CCDC137: variants seen among roughly 807,000 people sequenced by gnomAD.
CCDC137 encodes coiled-coil domain-containing protein 137.
A neutral mutation model predicts 30.4 loss-of-function variants in CCDC137; 24 were observed. The ratio of observed to expected loss-of-function variants is 0.79; its 90% CI spans 0.57 to 1.11. The LOEUF is 1.11. Among genes scored for constraint, CCDC137 ranks in the 50% least tolerant of loss-of-function variants. The pLI, the probability that CCDC137 is intolerant of heterozygous loss-of-function variation, is 0.00. For synonymous variants in CCDC137, 182 were observed against 155.7 expected (o/e 1.17, Z -1.26); for missense variants, 417 against 380.4 (o/e 1.10, Z -0.80).
rs1160954535 is a variant in CCDC137, at chr17:81,672,125, C to T, written c.630C>T (p.Ala210=). The part of the protein sequence containing the change: ...EVVLQPPELT[A]RPQRSVSKDQ... ...TCCTGCAGCCCCCAGAGCTGACTGC[C>T]AGGCCCCAGAGGAGCGTAAGCAAGG... Residue 210 remains alanine, a synonymous_variant, in exon 5 of 6, where the codon GCC becomes GCT. Transcript: ENST00000329214. The T allele has an allele frequency of 1.9e-6, 3 of 1,614,126 alleles. No homozygotes were observed. The highest frequency in any genetic ancestry group is 1.7e-6 in the Non-Finnish European group (2 of 1,180,014).
chr17:81,668,063 T>TG (rs1218312185), intron 2 of CCDC137, among the ~76,000 whole-genome samples: 1 of 151,860 alleles, frequency 6.6e-6, no homozygotes, highest in Non-Finnish European at 1.5e-5. Flanking sequence ...AAGGAGGCTG[T>TG]GGGGTGGGCG....
In CCDC137 at chr17:81,672,873, G is replaced by A. The variant is rs1296942447; in HGVS notation, c.*169G>A. ...CACATCTTGCAGGGGGTGAGTGCCCGATGGACTAGGGCCAAGGCCTGGTTG... is the reference window on the plus strand; with the variant it reads ...CACATCTTGCAGGGGGTGAGTGCCCAATGGACTAGGGCCAAGGCCTGGTTG... On this transcript the variant is annotated 3_prime_UTR_variant, in exon 6 of 6. Coordinates refer to ENST00000329214, the MANE Select transcript of CCDC137 (RefSeq NM_199287.3). 3.0e-5 allele frequency: 20 copies of A among 657,932 alleles called. No homozygotes were observed. The highest frequency in any genetic ancestry group is 5.5e-5 in the East Asian group (2 of 36,170). The allele number at this position is 657,932 out of a possible 1,614,324, so 40.8% of individuals were successfully genotyped here.
Position 81,672,428 on chromosome 17 carries a change from C to A in CCDC137, c.661-67C>A. The stretch of plus-strand genomic sequence containing the variant: ...CTCGCTGGCGGGAGAGCTGTTGAAG[C>A]TGTGAGGCTTTCTGTTGCATCCCCT... On this transcript the variant is annotated intron_variant, in intron 5 of 5. Transcript: ENST00000329214. 7 of 1,437,400 alleles carry A rather than the reference C, an allele frequency of 4.9e-6. No individual in the cohort carries two copies. The South Asian group carries it at 6.3e-5, about 13-fold the overall frequency. 89.0% of individuals were successfully genotyped at this position (1,437,400 alleles called of 1,614,324 possible).
chr17:81,672,340 GAAAA>G (rs35384619), intron 5 of CCDC137, among the ~76,000 whole-genome samples, 151 bp from the exon 6 acceptor site: 1 of 147,326 alleles, frequency 6.8e-6, no homozygotes, highest in Non-Finnish European at 1.5e-5. Flanking sequence ...CCTGTGTCAA[GAAAA>G]AAAAAAACCC....
chr17:81,668,579 A>G (rs1241158346), intron 2 of CCDC137, among the ~76,000 whole-genome samples: 1 of 152,196 alleles, frequency 6.6e-6, no homozygotes, highest in Non-Finnish European at 1.5e-5. Flanking sequence ...TGGGGGTTAT[A>G]TGGCTGCCAA....
chr17:81,670,990 G>C (rs962665493), intron 3 of CCDC137, among the ~76,000 whole-genome samples: 2 of 152,038 alleles, frequency 1.3e-5, no homozygotes, highest in African/African-American at 4.8e-5. Context: ...AAATTAGCCG[G>C]GCGTGGTGGT....
chr17:81,667,237 C>G (rs993209567), intron 1 of CCDC137, among the ~76,000 whole-genome samples: 1 of 152,014 alleles, frequency 6.6e-6, no homozygotes, highest in African/African-American at 2.4e-5. Context: ...TGAGTGAGAC[C>G]GAGAGGAAAG....
chr17:81,673,060 G>A lies in CCDC137; in HGVS notation c.*356G>A, dbSNP rs1216010806. ...TGAGGCTGGCTCAGTGTGTGACGGA[G>A]GCCCCCGGGAGTCAGCAGAGCCGAG... On this transcript the variant is annotated 3_prime_UTR_variant, in exon 6 of 6. Coordinates refer to ENST00000329214, the MANE Select transcript of CCDC137 (RefSeq NM_199287.3). 3.1e-6 allele frequency: 1 copy of A among 327,194 alleles called. No homozygotes were observed. 20.3% of individuals were successfully genotyped at this position (327,194 alleles called of 1,614,324 possible).
chr17:81,667,046 C>T (rs2036642404), intron 1 of CCDC137, 146 bp downstream of exon 1: 2 of 854,656 alleles, frequency 2.3e-6, no homozygotes, highest in Non-Finnish European at 3.1e-6. Flanking sequence ...GCCCGCGGCC[C>T]ACGCTCCGCC....
chr17:81,673,276 G>A lies in CCDC137; in HGVS notation c.*572G>A, dbSNP rs3923219. On this transcript the variant is annotated 3_prime_UTR_variant, in exon 6 of 6. Transcript: ENST00000329214. ...AAGGTGGGAACCGGGGGCCGGGCGC[G>A]GTGGCTCACACCTGTAATGCCAGCA... The A allele has an allele frequency of 0.038, 5,896 of 153,266 alleles. 200 individuals are homozygous for A. The highest frequency in any genetic ancestry group is 0.086 in the African/African-American group (3,580 of 41,516). 9.5% of individuals were successfully genotyped at this position (153,266 alleles called of 1,614,324 possible).
Position 81,673,034 on chromosome 17 carries a change from A to T in CCDC137, c.*330A>T. 1 of 389,396 alleles carries T rather than the reference A, an allele frequency of 2.6e-6. No individual in the cohort carries two copies. The allele number at this position is 389,396 out of a possible 1,614,324, so 24.1% of individuals were successfully genotyped here. A position where few individuals can be genotyped will look rare whatever the true frequency, so the allele number is the denominator to read the frequency against. ...TGAACACCAAATACCGAGACAGCTG[A>T]TGAGGCTGGCTCAGTGTGTGACGGA... On this transcript the variant is annotated 3_prime_UTR_variant, in exon 6 of 6. Coordinates refer to ENST00000329214, the MANE Select transcript of CCDC137 (RefSeq NM_199287.3).
At chr17:81,670,881 CACT>C (rs1299892043) in intron 3 of CCDC137, among the ~76,000 whole-genome samples, 10 of 152,238 alleles carry the variant, frequency 6.6e-5, no homozygotes, top group Middle Eastern at 3.4e-3. Context: ...GTAATCCCAG[CACT>C]TTGGGAGGCT....
chr17:81,667,027 T>G lies in CCDC137; in HGVS notation c.134+127T>G, dbSNP rs894189326. The G allele has an allele frequency of 2.3e-5, 23 of 1,004,784 alleles. No individual in the cohort carries two copies. In the South Asian group the frequency reaches 9.4e-4, roughly 41 times the overall value. The allele number at this position is 1,004,784 out of a possible 1,614,324, so 62.2% of individuals were successfully genotyped here. A position where few individuals can be genotyped will look rare whatever the true frequency, so the allele number is the denominator to read the frequency against. ...CCCCAGGTCGGGCTCAGTGCCCTCC[T>G]CTGTCTGTGCCCGCGGCCCACGCTC... On this transcript the variant is annotated intron_variant, in intron 1 of 5. Transcript: ENST00000329214.
intron 1 of CCDC137, 109 bp from the exon 2 acceptor site, chr17:81,667,620 C>T: frequency 7.4e-7 from 1 of 1,346,676 alleles, no homozygotes; most frequent in Non-Finnish European, 1.0e-6. Context: ...AGCCACCAAG[C>T]CCGGCCAGCC....
At chr17:81,667,627 A>G in intron 1 of CCDC137, 102 bp from the exon 2 acceptor site, 1 of 1,416,896 alleles carries the variant, frequency 7.1e-7, no homozygotes, top group South Asian at 1.3e-5. Flanking sequence ...AAGCCCGGCC[A>G]GCCCGTGTAG....
intron 2 of CCDC137, 61 bp downstream of exon 2, chr17:81,667,923 C>T (rs563740414): frequency 1.9e-6 from 3 of 1,569,398 alleles, no homozygotes; most frequent in African/African-American, 2.7e-5. Context: ...CGCCCAATCG[C>T]CCAAATACTT....
chr17:81,672,098 T>C lies in CCDC137; in HGVS notation c.603T>C (p.Val201=). 6.2e-7 allele frequency: 1 copy of C among 1,614,072 alleles called. No individual in the cohort carries two copies. The highest frequency in any genetic ancestry group is 1.3e-5 in the African/African-American group (1 of 75,004). Reference sequence around the variant, plus strand: ...CAGACACGGTGAAGTTTGGTGAGGTTGTCCTGCAGCCCCCAGAGCTGACTG... The same window carrying C: ...CAGACACGGTGAAGTTTGGTGAGGTCGTCCTGCAGCCCCCAGAGCTGACTG... ...LLRDTVKFGE[V]VLQPPELTAR... The change falls in exon 5 of 6, where the codon GTT becomes GTC. Residue 201 remains valine (V), a synonymous_variant. Coordinates refer to ENST00000329214, the MANE Select transcript of CCDC137 (RefSeq NM_199287.3).
chr17:81,668,211 G>A (rs1311816249), intron 2 of CCDC137, among the ~76,000 whole-genome samples: 1 of 152,098 alleles, frequency 6.6e-6, no homozygotes, highest in Non-Finnish European at 1.5e-5. Context: ...AAGGGTCACC[G>A]AGCGATGATG....
rs779686861 is a variant in CCDC137 at position 81,667,710 on chromosome 17, C to G, written c.135-19C>G. 2 of 1,613,400 alleles carry G rather than the reference C, an allele frequency of 1.2e-6. No individual in the cohort carries two copies. Among genetic ancestry groups the G allele is most frequent in the South Asian group, 1.1e-5 (1 of 91,046 alleles). ...TGCTTTACTTGGGACGGGTCTCACC[C>G]CCGTGTTCTTTCTCCCAGCAAAGAG... On this transcript the variant is annotated intron_variant, in intron 1 of 5. Coordinates refer to ENST00000329214, the MANE Select transcript of CCDC137 (RefSeq NM_199287.3).
Sources: allele counts gnomAD v4.1 joint callset (sites outside exome capture counted in the v4.1 genomes callset), GRCh38; gene constraint gnomAD v4.1.1; transcripts MANE v1.5; gene names NCBI Gene and HGNC (gene_info 2026-07-23, HGNC 2026-07-21).